Variants in HMGN5 observed in about 807,000 individuals in gnomAD.
HMGN5 encodes the protein high mobility group nucleosome-binding domain-containing protein 5.
Under a neutral mutation model 9.5 loss-of-function variants are expected in HMGN5, and 4 were observed. The ratio of observed to expected loss-of-function variants is 0.42; its 90% confidence interval spans 0.21 to 0.96. The LOEUF (loss-of-function observed/expected upper bound fraction) is 0.96, where lower values mean the gene tolerates loss of function less well. Ranked by LOEUF, HMGN5 falls within the 40% of genes least tolerant of loss-of-function variation. The probability of loss-of-function intolerance (pLI) is 0.30; values close to 1 mark genes in which losing one functional copy is unlikely to be tolerated. For synonymous variants in HMGN5, 55 were observed against 57.1 expected (o/e 0.96, Z 0.16); for missense variants, 192 against 187.5 (o/e 1.02, Z -0.14).
At chrX:81,122,555 A>G (rs907107582) in intron 1 of HMGN5, among the ~76,000 whole-genome samples, 1 of 112,089 alleles carries the variant, frequency 8.9e-6, no homozygotes, top group African/African-American at 3.2e-5. Context: ...GAGGTGAGTC[A>G]CGCAAGTGCA....
At chrX:81,149,629 A>G in intron 1 of HMGN5, among the ~76,000 whole-genome samples, 1 of 112,245 alleles carries the variant, frequency 8.9e-6, no homozygotes, top group Middle Eastern at 4.6e-3. Flanking sequence ...ATAATAAAAA[A>G]TACAAGACCC....
intron 1 of HMGN5, among the ~76,000 whole-genome samples, chrX:81,143,555 G>T (rs2075335163): frequency 8.9e-6 from 1 of 112,388 alleles, no homozygotes; most frequent in Admixed American, 9.4e-5. Flanking sequence ...GCCTCACCCG[G>T]GAAATGCAAG....
chrX:81,178,682 T>A (rs975827282), intron 1 of HMGN5, among the ~76,000 whole-genome samples: 2 of 111,958 alleles, frequency 1.8e-5, no homozygotes, highest in African/African-American at 6.5e-5. Flanking sequence ...AAAGAGGGAA[T>A]CCTTGCTAAC....
chrX:81,184,566 T>A (rs750827821), intron 1 of HMGN5, among the ~76,000 whole-genome samples: 59 of 111,636 alleles, frequency 5.3e-4, no homozygotes, highest in African/African-American at 1.9e-3. Flanking sequence ...TGATTTTTTT[T>A]TTTTGTTTTG....
At chrX:81,172,569 A>G (rs1189614873) in intron 1 of HMGN5, among the ~76,000 whole-genome samples, 3 of 109,654 alleles carry the variant, frequency 2.7e-5, no homozygotes, top group Admixed American at 9.8e-5. Context: ...AAAAAAAACT[A>G]TAAAAGAACA....
intron 1 of HMGN5, among the ~76,000 whole-genome samples, chrX:81,173,666 C>G (rs1281574379): frequency 8.9e-6 from 1 of 111,978 alleles, no homozygotes; most frequent in Non-Finnish European, 1.9e-5. Flanking sequence ...TTCTATAACA[C>G]TCCTCAGTGA....
chrX:81,150,516 A>G (rs1005707529), intron 1 of HMGN5, among the ~76,000 whole-genome samples: 2 of 112,039 alleles, frequency 1.8e-5, no homozygotes, highest in Non-Finnish European at 3.8e-5. Flanking sequence ...CAGTGAACTG[A>G]GATCGTGCCA....
chrX:81,149,509 A>G (rs917556573), intron 1 of HMGN5, among the ~76,000 whole-genome samples: 4 of 111,704 alleles, frequency 3.6e-5, no homozygotes, highest in African/African-American at 1.3e-4. Context: ...ATTAGGAGAA[A>G]TATCTAATGT....
At chrX:81,119,307 C>A (rs1465245044) in intron 3 of HMGN5, among the ~76,000 whole-genome samples, 1 of 111,564 alleles carries the variant, frequency 9.0e-6, no homozygotes, top group African/African-American at 3.3e-5. Context: ...AACAATGATT[C>A]TCGCTTTGTA....
intron 1 of HMGN5, among the ~76,000 whole-genome samples, chrX:81,165,035 C>A (rs1433695845): frequency 9.0e-6 from 1 of 111,345 alleles, no homozygotes; most frequent in Admixed American, 9.6e-5. Context: ...AGCTCACTTT[C>A]TATCTGGGAG....
intron 1 of HMGN5, among the ~76,000 whole-genome samples, chrX:81,165,121 GA>G (rs765466110): frequency 3.6e-5 from 4 of 111,287 alleles, no homozygotes; most frequent in South Asian, 3.8e-4. Flanking sequence ...AAGTACCTAA[GA>G]ATTCAGTATG....
At chrX:81,118,911 G>A in intron 3 of HMGN5, 152 bp from the exon 4 acceptor site, 1 of 419,192 alleles carries the variant, frequency 2.4e-6, no homozygotes, top group Non-Finnish European at 4.1e-6. Flanking sequence ...AGAAATATAA[G>A]TTTTGATTTT....
intron 1 of HMGN5, among the ~76,000 whole-genome samples, chrX:81,157,580 C>T (rs2075386407): frequency 9.0e-6 from 1 of 111,224 alleles, no homozygotes; most frequent in Admixed American, 9.6e-5. Context: ...ATTGGCGTCT[C>T]CTCATAAACA....
chrX:81,192,807 G>C (rs1443467869), intron 1 of HMGN5, among the ~76,000 whole-genome samples: 1 of 111,278 alleles, frequency 9.0e-6, no homozygotes, highest in Non-Finnish European at 1.9e-5. Flanking sequence ...TATTCTTTTA[G>C]AACATTGAAG....
chrX:81,198,372 C>T (rs2066021139), intron 1 of HMGN5, among the ~76,000 whole-genome samples: 1 of 110,536 alleles, frequency 9.0e-6, no homozygotes, highest in Admixed American at 9.7e-5. Context: ...AAGGTGGCCT[C>T]TGGAGGCTAG....
chrX:81,176,488 G>A (rs902560074), intron 1 of HMGN5, among the ~76,000 whole-genome samples: 2 of 110,971 alleles, frequency 1.8e-5, no homozygotes, highest in Admixed American at 9.6e-5. Context: ...AAACTTCTCC[G>A]AACTAAAGGA....
At chrX:81,150,543 G>A (rs1266742166) in intron 1 of HMGN5, among the ~76,000 whole-genome samples, 1 of 111,706 alleles carries the variant, frequency 9.0e-6, no homozygotes, top group African/African-American at 3.3e-5. Flanking sequence ...TCCAGCCTGG[G>A]CACTGAGAGT....
At chrX:81,179,492 C>T (rs1243376542) in intron 1 of HMGN5, among the ~76,000 whole-genome samples, 1 of 111,309 alleles carries the variant, frequency 9.0e-6, no homozygotes, top group Non-Finnish European at 1.9e-5. Context: ...ATCCAACTTA[C>T]AAGGGATGTG....
In HMGN5 at chrX:81,179,197, G is replaced by A. The variant is rs185917141; in HGVS notation, c.-124+22540C>T. Among the ~76,000 whole-genome samples the A allele has an allele frequency of 8.6e-3, 966 of 111,686 alleles. 9 individuals carry two copies. Among genetic ancestry groups the A allele is most frequent in the African/African-American group, 0.029 (890 of 30,692 alleles). On this transcript the variant is annotated intron_variant, in intron 1 of 6. Coordinates refer to ENST00000358130, the MANE Select transcript of HMGN5 (RefSeq NM_030763.3). ...ATTCAACATAGTGTTGGAAGTTCTG[G>A]ACAGGGCAATCAGGCAAGAGAAAGA...
Sources: gnomAD v4.1 joint callset for allele counts (sites outside exome capture counted in the v4.1 genomes callset) on GRCh38, gnomAD v4.1.1 for gene constraint, MANE v1.5 for transcripts, NCBI Gene and HGNC (gene_info 2026-07-23, HGNC 2026-07-21) for gene names.